Variants in SCD5 observed in about 807,000 individuals in gnomAD.
The protein encoded by SCD5 is acyl-CoA-desaturase 4.
SCD5 carries 20 observed loss-of-function variants against 30.4 expected under a neutral mutation model. The observed-to-expected ratio is 0.66, with a 90% CI of 0.46 to 0.96. The LOEUF (loss-of-function observed/expected upper bound fraction) is 0.96, where lower values mean the gene tolerates loss of function less well. SCD5 is among the 40% of genes least tolerant of loss of function. SCD5 has a pLI of 0.00. For missense variants in SCD5, 381 were observed against 443.3 expected (o/e 0.86, Z 1.26); for synonymous variants, 173 against 176.4 (o/e 0.98, Z 0.16).
chr4:82,684,626 G>A (rs1728657092), intron 2 of SCD5, among the ~76,000 whole-genome samples: 1 of 152,154 alleles, frequency 6.6e-6, no homozygotes, highest in Non-Finnish European at 1.5e-5. Flanking sequence ...TTAGCAACAA[G>A]AAGAGGGGAA....
At chr4:82,789,793 TAAAG>T (rs956491138) in intron 1 of SCD5, among the ~76,000 whole-genome samples, 13 of 151,964 alleles carry the variant, frequency 8.6e-5, no homozygotes, top group African/African-American at 3.1e-4. Context: ...AATCAGCTGC[TAAAG>T]AAAGAATGAG....
intron 1 of SCD5, among the ~76,000 whole-genome samples, chr4:82,766,859 G>C (rs1721498962): frequency 6.6e-6 from 1 of 152,100 alleles, no homozygotes; most frequent in African/African-American, 2.4e-5. Flanking sequence ...TGTATTTTTA[G>C]TAGAGATGGC....
intron 1 of SCD5, among the ~76,000 whole-genome samples, chr4:82,751,257 G>A (rs898832650): frequency 6.6e-5 from 10 of 152,040 alleles, no homozygotes; most frequent in Non-Finnish European, 1.3e-4. Context: ...GTGCAGTGGC[G>A]TGATCATAGC....
chr4:82,663,050 T>C (rs980740765), intron 3 of SCD5, among the ~76,000 whole-genome samples: 1 of 152,110 alleles, frequency 6.6e-6, no homozygotes, highest in Admixed American at 6.6e-5. Context: ...AGAAAGTCAC[T>C]AGGGAATATT....
At chr4:82,668,257 T>C (rs139096745) in intron 3 of SCD5, among the ~76,000 whole-genome samples, 7 of 151,634 alleles carry the variant, frequency 4.6e-5, no homozygotes, top group African/African-American at 1.2e-4. Flanking sequence ...AAGAGGCAAA[T>C]AGACAAGAGG....
At chr4:82,742,694 T>G (rs971212798) in intron 1 of SCD5, among the ~76,000 whole-genome samples, 3 of 152,028 alleles carry the variant, frequency 2.0e-5, no homozygotes, top group East Asian at 1.9e-4. Context: ...GGCTGAGGCA[T>G]GAGAATCGCT....
At chr4:82,766,004 T>C (rs888111053) in intron 1 of SCD5, among the ~76,000 whole-genome samples, 2 of 152,242 alleles carry the variant, frequency 1.3e-5, no homozygotes, top group African/African-American at 4.8e-5. Context: ...ACTGTTCTTT[T>C]CTCTCTGGCT....
intron 3 of SCD5, among the ~76,000 whole-genome samples, chr4:82,670,303 G>A (rs1578014056): frequency 1.3e-5 from 2 of 152,248 alleles, no homozygotes; most frequent in East Asian, 3.9e-4. Context: ...AATATAAGCA[G>A]AGAGATGAAA....
chr4:82,662,834 T>C (rs1578010590), intron 3 of SCD5, among the ~76,000 whole-genome samples: 1 of 126,510 alleles, frequency 7.9e-6, no homozygotes, highest in Non-Finnish European at 1.6e-5. Flanking sequence ...CACTCCAGCC[T>C]GGGCAACGAG....
chr4:82,735,080 A>G (rs1356606124), intron 1 of SCD5, among the ~76,000 whole-genome samples: 1 of 152,016 alleles, frequency 6.6e-6, no homozygotes. Flanking sequence ...GAGCTCAACA[A>G]TTTTTCATTT....
intron 1 of SCD5, among the ~76,000 whole-genome samples, chr4:82,781,673 G>A (rs188863844): frequency 2.6e-5 from 4 of 152,046 alleles, no homozygotes; most frequent in Non-Finnish European, 5.9e-5. Context: ...CTGTAGGAGT[G>A]GACTAACTAT....
chr4:82,727,914 G>T (rs1160382761), intron 1 of SCD5, among the ~76,000 whole-genome samples: 1 of 152,038 alleles, frequency 6.6e-6, no homozygotes, highest in Non-Finnish European at 1.5e-5. Context: ...CACCATGTTG[G>T]CCAGGCTGGT....
At chr4:82,638,372 C>T (rs1727475870) in intron 3 of SCD5, among the ~76,000 whole-genome samples, 1 of 152,094 alleles carries the variant, frequency 6.6e-6, no homozygotes, top group African/African-American at 2.4e-5. Flanking sequence ...CATGGATGGG[C>T]AAATGGGCTC....
chr4:82,775,594 C>T (rs1282788733), intron 1 of SCD5: 1 of 152,252 alleles, frequency 6.6e-6, no homozygotes, highest in Non-Finnish European at 1.5e-5. Flanking sequence ...GGTGTGGTGG[C>T]TCATGTCTAT....
At chr4:82,743,124 A>C (rs539007727) in intron 1 of SCD5, among the ~76,000 whole-genome samples, 1 of 152,264 alleles carries the variant, frequency 6.6e-6, no homozygotes, top group East Asian at 1.9e-4. Context: ...ATCAAGTTCA[A>C]AGGTTCGATT....
At chr4:82,771,680 C>T (rs1721626142) in intron 1 of SCD5, among the ~76,000 whole-genome samples, 1 of 152,190 alleles carries the variant, frequency 6.6e-6, no homozygotes, top group Non-Finnish European at 1.5e-5. Context: ...CTCCACCTGC[C>T]TCCTGAATCC....
intron 3 of SCD5, among the ~76,000 whole-genome samples, chr4:82,666,654 T>C (rs933651109): frequency 6.6e-6 from 1 of 152,262 alleles, no homozygotes; most frequent in Non-Finnish European, 1.5e-5. Flanking sequence ...AAAAGATCTT[T>C]GTAAAATTTA....
At chr4:82,791,785 A>C (rs1009845401) in intron 1 of SCD5, among the ~76,000 whole-genome samples, 4 of 152,196 alleles carry the variant, frequency 2.6e-5, no homozygotes, top group African/African-American at 9.6e-5. Context: ...ATGCTACTCA[A>C]AGACACTTTT....
intron 3 of SCD5, among the ~76,000 whole-genome samples, chr4:82,665,077 T>TGTA (rs1491137528): frequency 1.7e-5 from 1 of 58,322 alleles, no homozygotes; most frequent in African/African-American, 5.0e-5. Context: ...TATATATATA[T>TGTA]TTTTTTTTTA....
Sources: allele counts gnomAD v4.1 joint callset (sites outside exome capture counted in the v4.1 genomes callset), GRCh38; gene constraint gnomAD v4.1.1; transcripts MANE v1.5; gene names NCBI Gene and HGNC (gene_info 2026-07-23, HGNC 2026-07-21).